CDH3: variants seen among roughly 807,000 people sequenced by gnomAD.
CDH3 encodes cadherin 3, also known as cadherin-3.
In CDH3, 54 loss-of-function variants were observed where a neutral mutation model predicts 82.0. The ratio of observed to expected loss-of-function variants is 0.66; its 90% confidence interval spans 0.53 to 0.83. The LOEUF (loss-of-function observed/expected upper bound fraction) is 0.83, where lower values mean the gene tolerates loss of function less well. Ranked by LOEUF, CDH3 falls within the 40% of genes least tolerant of loss-of-function variation. The pLI is 0.00. For missense variants in CDH3, 1,054 were observed against 1,084.6 expected, an observed-to-expected ratio of 0.97 and a Z score of 0.40; for synonymous variants, 446 against 437.9, an observed-to-expected ratio of 1.02 and a Z score of -0.23.
At chr16:68,655,145 A>G (rs1007075640) in intron 2 of CDH3, among the ~76,000 whole-genome samples, 6 of 152,084 alleles carry the variant, frequency 3.9e-5, no homozygotes, top group African/African-American at 9.7e-5. Context: ...CCAAAGTGCT[A>G]GGATTACAGG....
At chr16:68,709,683 G>A (rs1022228172) in intron 1 of CDH3, among the ~76,000 whole-genome samples, 2 of 151,984 alleles carry the variant, frequency 1.3e-5, no homozygotes, top group African/African-American at 4.8e-5. Context: ...GGTTTCAAGC[G>A]ACCCACTCAC....
chr16:68,691,825 G>A lies in CDH3; in HGVS notation c.1901G>A (p.Arg634Lys), dbSNP rs1175946114. The change falls in exon 13 of 16, where the codon AGG (arginine) becomes AAG (lysine). Residue 634 changes from arginine to lysine, a missense_variant. Arg to Lys is a conservative substitution (Grantham distance 26, BLOSUM62 2). Coordinates refer to ENST00000264012, the MANE Select transcript of CDH3 (RefSeq NM_001793.6). Reference sequence around the variant, plus strand: ...AACAAAGAGCAGCTGACGGTGATCAGGGCCACTGTGTGCGACTGCCATGGC... The same window carrying A: ...AACAAAGAGCAGCTGACGGTGATCAAGGCCACTGTGTGCGACTGCCATGGC... ...HGNKEQLTVI[R>K]ATVCDCHGHV... The A allele has an allele frequency of 6.2e-7, 1 of 1,614,112 alleles. No individual in the cohort carries two copies.
At chr16:68,651,100 C>T (rs1371678235) in intron 2 of CDH3, 3 of 426,874 alleles carry the variant, frequency 7.0e-6, no homozygotes, top group Admixed American at 2.8e-5. Context: ...GTCGTTGGTG[C>T]CCGAGGGAGC....
At chr16:68,696,848 C>T (rs1961736313) in intron 15 of CDH3, 1 of 152,248 alleles carries the variant, frequency 6.6e-6, no homozygotes, top group Non-Finnish European at 1.5e-5. Flanking sequence ...CGCTCCTTAT[C>T]ACACATACTA....
rs1961261304 is a variant in CDH3, at chr16:68,682,493, T to G, written c.1182+6T>G. 6.2e-7 allele frequency: 1 copy of G among 1,613,514 alleles called. No homozygotes were observed. The highest frequency in any genetic ancestry group is 8.5e-7 in the Non-Finnish European group (1 of 1,179,866). On this transcript the variant is annotated splice_donor_region_variant and intron_variant, in intron 9 of 15. Transcript: ENST00000264012. ...GCATCCTGACAACCAGGAAGGTGAGTCAGTTCGGGCCTCAGACAATGGCTA... is the reference window on the plus strand; with the variant it reads ...GCATCCTGACAACCAGGAAGGTGAGGCAGTTCGGGCCTCAGACAATGGCTA...
chr16:68,723,267 AAT>A (rs1962183874), intron 2 of CDH3, among the ~76,000 whole-genome samples: 1 of 152,196 alleles, frequency 6.6e-6, no homozygotes, highest in Non-Finnish European at 1.5e-5. Context: ...CCCAATTTTT[AAT>A]AGTTATATAT....
chr16:68,730,000 C>G (rs552581386), downstream of CDH3, among the ~76,000 whole-genome samples: 3 of 150,138 alleles, frequency 2.0e-5, no homozygotes, highest in African/African-American at 7.4e-5. Flanking sequence ...TTTGGGAGGC[C>G]GAGGCGGGTG....
intron 2 of CDH3, among the ~76,000 whole-genome samples, chr16:68,673,877 G>A (rs960003621): frequency 6.6e-6 from 1 of 151,818 alleles, no homozygotes; most frequent in African/African-American, 2.4e-5. Context: ...GTGAGCCACT[G>A]TACCATAGCC....
In CDH3 at chr16:68,655,690, CAACA is replaced by C. The variant is rs993082818; in HGVS notation, c.160+9955_160+9958del. Reference sequence around the variant, plus strand: ...GAAACCCCGTCTCTGCTAACAACAACAACAAACAAACAAACAAAATAATTAGCCT... The same window carrying C: ...GAAACCCCGTCTCTGCTAACAACAACAACAAACAAACAAAATAATTAGCCT... On this transcript the variant is annotated intron_variant, in intron 2 of 15. Transcript: ENST00000264012. Among the ~76,000 whole-genome samples the C allele has an allele frequency of 9.2e-5, 14 of 151,894 alleles. No individual in the cohort carries two copies. The East Asian group carries it at 9.7e-4, about 11-fold the overall frequency.
intron 1 of CDH3, among the ~76,000 whole-genome samples, chr16:68,716,323 A>G (rs954867119): frequency 6.6e-6 from 1 of 151,916 alleles, no homozygotes; most frequent in African/African-American, 2.4e-5. Context: ...TACTGACATT[A>G]AAGTGCTATT....
At chr16:68,666,478 C>T (rs551968590) in intron 2 of CDH3, among the ~76,000 whole-genome samples, 1 of 152,242 alleles carries the variant, frequency 6.6e-6, no homozygotes, top group African/African-American at 2.4e-5. Flanking sequence ...AATCCAGGAG[C>T]CCCAAGGCCT....
Position 68,678,635 on chromosome 16 carries a change from G to T in CDH3, c.525G>T (p.Arg175=). Residue 175 remains arginine, a synonymous_variant, in exon 5 of 16, where the codon CGG becomes CGT. Coordinates refer to ENST00000264012, the MANE Select transcript of CDH3 (RefSeq NM_001793.6). The part of the protein sequence containing the change: ...GWLLLNKPLD[R]EEIAKYELFG... ...TGTTGTTGAATAAGCCACTGGACCG[G>T]GAGGAGATTGCCAAGTATGAGGCAA... 6.2e-7 allele frequency: 1 copy of T among 1,614,230 alleles called. No individual in the cohort carries two copies. Among genetic ancestry groups the T allele is most frequent in the East Asian group, 2.2e-5 (1 of 44,884 alleles).
intron 2 of CDH3, among the ~76,000 whole-genome samples, chr16:68,670,433 A>G (rs898909792): frequency 1.3e-5 from 2 of 151,866 alleles, no homozygotes; most frequent in African/African-American, 2.4e-5. Flanking sequence ...AATGGTCTGT[A>G]AGGTTCTGGG....
chr16:68,728,839 C>T (rs1340808873), downstream of CDH3, among the ~76,000 whole-genome samples: 1 of 152,144 alleles, frequency 6.6e-6, no homozygotes, highest in Admixed American at 6.6e-5. Context: ...AGCAAGAGAG[C>T]TTCTTGCTTC....
chr16:68,648,450 C>CTT lies in CDH3; in HGVS notation c.160+2713_160+2714dup, dbSNP rs112124775. Among the ~76,000 whole-genome samples the CTT allele has an allele frequency of 2.6e-3, 375 of 143,440 alleles. 1 individual carries two copies. The highest frequency in any genetic ancestry group is 8.5e-3 in the African/African-American group (334 of 39,156). The allele number at this position is 143,440 out of a possible 152,430, so 94.1% of individuals were successfully genotyped here. On this transcript the variant is annotated intron_variant, in intron 2 of 15. Transcript: ENST00000264012. Reference sequence around the variant, plus strand: ...AATTTTGGACCCCCAAGTTCCCTGGCTTTTTTTTTTTTTTGAGATAGGGTA... The same window carrying CTT: ...AATTTTGGACCCCCAAGTTCCCTGGCTTTTTTTTTTTTTTTTGAGATAGGGTA...
chr16:68,666,709 A>G (rs1160729855), intron 2 of CDH3, among the ~76,000 whole-genome samples: 3 of 152,118 alleles, frequency 2.0e-5, no homozygotes, highest in Non-Finnish European at 2.9e-5. Context: ...AAAACTATAA[A>G]TATTTTATAT....
intron 11 of CDH3, chr16:68,686,288 C>CGCCAG: frequency 1.4e-6 from 1 of 691,538 alleles, no homozygotes; most frequent in South Asian, 1.7e-5. Context: ...TGCACCCAGG[C>CGCCAG]GGTCTTTTCA....
chr16:68,691,753 T>C lies in CDH3; in HGVS notation c.1829T>C (p.Leu610Pro). Residue 610 changes from leucine (L) to proline (P), a missense_variant, in exon 13 of 16, where the codon CTG (leucine) becomes CCG (proline). By Grantham distance (98) the Leu-to-Pro change is moderately conservative. Coordinates refer to ENST00000264012, the MANE Select transcript of CDH3 (RefSeq NM_001793.6). ...DTVVLSLKKF[L>P]KQDTYDVHLS... The stretch of plus-strand genomic sequence containing the variant: ...GTGGTCTTGTCCCTGAAGAAGTTCC[T>C]GAAGCAGGATACATATGACGTGCAC... The C allele has an allele frequency of 1.2e-6, 2 of 1,614,200 alleles. No homozygotes were observed. The highest frequency in any genetic ancestry group is 1.7e-6 in the Non-Finnish European group (2 of 1,180,030).
downstream of CDH3, among the ~76,000 whole-genome samples, chr16:68,701,056 C>T (rs1343083524): frequency 6.6e-6 from 1 of 152,180 alleles, no homozygotes; most frequent in Non-Finnish European, 1.5e-5. Context: ...CTTCAACTCC[C>T]TTCAGAGAAG....
Sources: allele counts gnomAD v4.1 joint callset (sites outside exome capture counted in the v4.1 genomes callset), GRCh38; gene constraint gnomAD v4.1.1; transcripts MANE v1.5; gene names NCBI Gene and HGNC (gene_info 2026-07-23, HGNC 2026-07-21).